ZBTB45: variants seen among roughly 807,000 people sequenced by gnomAD.
ZBTB45 encodes zinc finger and BTB domain-containing protein 45.
A neutral mutation model predicts 28.4 loss-of-function variants in ZBTB45; 22 were observed. The observed-to-expected ratio is 0.77, with a 90% CI of 0.55 to 1.10. ZBTB45 has a LOEUF of 1.10. Ranked by LOEUF, ZBTB45 falls within the 50% of genes least tolerant of loss-of-function variation. The pLI is 0.00. For missense variants in ZBTB45, 656 were observed against 750.2 expected (o/e 0.87, Z 1.47); for synonymous variants, 361 against 332.3 (o/e 1.09, Z -0.94).
chr19:58,534,758 A>C (rs1289558581), intron 1 of ZBTB45, among the ~76,000 whole-genome samples: 1 of 151,908 alleles, frequency 6.6e-6, no homozygotes. Context: ...GGGTTTCACC[A>C]TGTTAGCCAG....
At position 58,514,197 on chromosome 19, in the gene ZBTB45, C is replaced by T. The variant is rs769306427; in HGVS notation, c.1393G>A (p.Ala465Thr). 2.5e-6 allele frequency: 4 copies of T among 1,612,556 alleles called. No homozygotes were observed. The highest frequency in any genetic ancestry group is 1.7e-4 in the Middle Eastern group (1 of 5,876). ...GVRAFQCAVC[A>T]KRFTQKSSLN... is the part of the protein sequence containing the mutation. ...GAGCTCTTCTGCGTGAAGCGCTTGGCGCAGACGGCGCACTGGAAGGCGCGC... is the reference window on the plus strand; with the variant it reads ...GAGCTCTTCTGCGTGAAGCGCTTGGTGCAGACGGCGCACTGGAAGGCGCGC... The change falls in exon 3 of 3, where the codon GCC becomes ACC. Residue 465 changes from alanine to threonine, a missense_variant. By Grantham distance (58) the Ala-to-Thr change is moderately conservative. This residue lies in a region of ZBTB45 where 103 missense variants were observed against 153.5 expected (regional missense o/e 0.67). Coordinates refer to ENST00000594051, the MANE Select transcript of ZBTB45 (RefSeq NM_001316979.2).
chr19:58,519,609 C>G (rs1197839319), intron 1 of ZBTB45, 133 bp downstream of exon 1: 1 of 153,036 alleles, frequency 6.5e-6, no homozygotes, highest in Admixed American at 6.5e-5. Flanking sequence ...CTCTGGCCCC[C>G]GCCGTACCCC....
upstream of ZBTB45, among the ~76,000 whole-genome samples, chr19:58,520,384 G>A (rs1296392175): frequency 6.6e-6 from 1 of 152,094 alleles, no homozygotes. Context: ...GTGAGATTCT[G>A]GGACATTGCA....
chr19:58,525,513 G>A (rs1489601092), intron 1 of ZBTB45, among the ~76,000 whole-genome samples: 1 of 152,164 alleles, frequency 6.6e-6, no homozygotes, highest in Non-Finnish European at 1.5e-5. Context: ...AGGGGCAATG[G>A]CAGGATCCCC....
rs193145146 is a variant in ZBTB45 at position 58,516,396 on chromosome 19, C to T, written c.1278G>A (p.Ser426=). Residue 426 remains serine, a splice_region_variant and synonymous_variant, in exon 2 of 3, where the codon TCG becomes TCA. Transcript: ENST00000594051. This position sits in a 1 kb window ranked among gnomAD's most constrained non-coding sequence, Gnocchi z 6.2. ...CTCTCCTCCCCCGCCCTGGCTCACC[C>T]GAGTGGATGAACATGTGCTTGGTGT... ...KNYTKHMFIH[S]GEKPHQCAVC... is the part of the protein sequence containing the mutation. The T allele has an allele frequency of 2.6e-5, 42 of 1,613,834 alleles. No individual in the cohort carries two copies. Among genetic ancestry groups the T allele is most frequent in the African/African-American group, 1.9e-4 (14 of 74,926 alleles).
chr19:58,534,204 G>A (rs1054503197), intron 1 of ZBTB45, among the ~76,000 whole-genome samples: 1 of 152,022 alleles, frequency 6.6e-6, no homozygotes, highest in Non-Finnish European at 1.5e-5. Context: ...GTGATTGTCA[G>A]GGGCTGGTTG....
At chr19:58,525,344 A>G (rs1463662426) in intron 1 of ZBTB45, among the ~76,000 whole-genome samples, 1 of 152,246 alleles carries the variant, frequency 6.6e-6, no homozygotes, top group Non-Finnish European at 1.5e-5. Context: ...GAGTACACAC[A>G]GGAGCAGGCA....
rs1387770024 is a variant in ZBTB45 at position 58,517,204 on chromosome 19, A to T, written c.470T>A (p.Leu157Gln). Residue 157 changes from leucine to glutamine, a missense_variant, in exon 2 of 3, where the codon CTG becomes CAG. By Grantham distance (113) the Leu-to-Gln change is moderately radical. This residue lies in a region of ZBTB45 where 448 missense variants were observed against 444.3 expected (regional missense o/e 1.01). Coordinates refer to ENST00000594051, the MANE Select transcript of ZBTB45 (RefSeq NM_001316979.2). Reference sequence around the variant, plus strand: ...GGGGTGCCCCGGGGGACGTGCAGCCAGCAGGTGGCGCAGGCGGTGACGCAG... The same window carrying T: ...GGGGTGCCCCGGGGGACGTGCAGCCTGCAGGTGGCGCAGGCGGTGACGCAG... ...AQLRHRLRHLLAARPPGHPGA... is the reference protein window; with the variant it reads ...AQLRHRLRHLQAARPPGHPGA... The T allele has an allele frequency of 6.2e-7, 1 of 1,603,952 alleles. No individual in the cohort carries two copies. Among genetic ancestry groups the T allele is most frequent in the African/African-American group, 1.3e-5 (1 of 74,590 alleles).
chr19:58,524,394 T>A (rs796656863), upstream of ZBTB45, among the ~76,000 whole-genome samples: 2 of 47,586 alleles, frequency 4.2e-5, no homozygotes, highest in African/African-American at 7.1e-5. Context: ...ATAAAAAGAA[T>A]GTGTATATAT....
intron 1 of ZBTB45, among the ~76,000 whole-genome samples, chr19:58,526,373 T>C (rs1054878775): frequency 1.1e-4 from 17 of 147,992 alleles, no homozygotes; most frequent in African/African-American, 4.3e-4. Context: ...CCATGTCCAG[T>C]TAATTTTTGT....
rs2053508082 is a variant in ZBTB45, at chr19:58,516,890, G to C, written c.784C>G (p.Leu262Val). Residue 262 changes from leucine (L) to valine (V), a missense_variant, in exon 2 of 3, where the codon CTC becomes GTC. Leu to Val is a conservative substitution (Grantham distance 32). Around this residue, in one of 3 missense-constraint regions of ZBTB45, gnomAD observed 448 missense variants for 444.3 expected, o/e 1.01. Transcript: ENST00000594051. This position sits in a 1 kb window ranked among gnomAD's most constrained non-coding sequence, Gnocchi z 6.2. ...ACEEPPAPTG[L>V]ADYSGAGRDF... Reference sequence around the variant, plus strand: ...CTCCCGGCACCACTGTAGTCAGCGAGGCCAGTGGGTGCAGGGGGCTCCTCG... The same window carrying C: ...CTCCCGGCACCACTGTAGTCAGCGACGCCAGTGGGTGCAGGGGGCTCCTCG... 1 of 1,613,258 alleles carries C rather than the reference G, an allele frequency of 6.2e-7. No homozygotes were observed. The highest frequency in any genetic ancestry group is 1.3e-5 in the African/African-American group (1 of 74,916).
chr19:58,535,518 C>T (rs1054230101), intron 1 of ZBTB45, among the ~76,000 whole-genome samples: 3 of 151,764 alleles, frequency 2.0e-5, no homozygotes, highest in Admixed American at 2.0e-4. Context: ...GCCTGTAATC[C>T]CAGCTACTCA....
At chr19:58,536,824 C>T (rs2053662907) in intron 1 of ZBTB45, among the ~76,000 whole-genome samples, 1 of 152,064 alleles carries the variant, frequency 6.6e-6, no homozygotes, top group East Asian at 1.9e-4. Flanking sequence ...AGTAGGCAGT[C>T]CTCAGGTGGC....
upstream of ZBTB45, among the ~76,000 whole-genome samples, chr19:58,524,063 C>CAAAAAA (rs529087016): frequency 2.7e-5 from 2 of 73,202 alleles, no homozygotes; most frequent in Non-Finnish European, 4.7e-5. Context: ...GACTCTGTCT[C>CAAAAAA]AAAAAAAAAA....
At chr19:58,527,040 A>G (rs1408157970) in intron 1 of ZBTB45, among the ~76,000 whole-genome samples, 1 of 151,992 alleles carries the variant, frequency 6.6e-6, no homozygotes, top group African/African-American at 2.4e-5. Context: ...GAAAGCCCCA[A>G]CCCCCTATTG....
At chr19:58,518,724 G>A (rs926467952) in intron 1 of ZBTB45, among the ~76,000 whole-genome samples, 3 of 152,040 alleles carry the variant, frequency 2.0e-5, no homozygotes, top group African/African-American at 7.3e-5. Context: ...TCAAACAAGG[G>A]ATGAGATACT....
Position 58,516,628 on chromosome 19 carries a change from G to C in ZBTB45, c.1046C>G (p.Pro349Arg), listed in dbSNP as rs746984352. 5.1e-6 allele frequency: 8 copies of C among 1,559,508 alleles called. No individual in the cohort carries two copies. In the East Asian group the frequency reaches 1.6e-4, roughly 31 times the overall value. Residue 349 changes from proline (P) to arginine (R), a missense_variant, in exon 2 of 3, where the codon CCA (proline) becomes CGA (arginine). Physicochemically the swap from Pro to Arg is moderately radical, Grantham distance 103. This residue lies in a region of ZBTB45 where 448 missense variants were observed against 444.3 expected (regional missense o/e 1.01). Coordinates refer to ENST00000594051, the MANE Select transcript of ZBTB45 (RefSeq NM_001316979.2). This position sits in a 1 kb window ranked among gnomAD's most constrained non-coding sequence, Gnocchi z 6.2. ...TGGGGGCGCAGGGGCTGGCCCCGAT[G>C]GTGCTGAAGGGGGTGGTGCGGGTGG... ...PGPPAPPPSAPSGPAPAPPPA... is the reference protein window; with the variant it reads ...PGPPAPPPSARSGPAPAPPPA...
chr19:58,521,879 A>G (rs1261949019), upstream of ZBTB45, among the ~76,000 whole-genome samples: 2 of 152,150 alleles, frequency 1.3e-5, no homozygotes, highest in Non-Finnish European at 2.9e-5. Context: ...CCAACTGTCC[A>G]AACGCATGAC....
In ZBTB45 at chr19:58,516,783, A is replaced by G. The variant is rs149380530; in HGVS notation, c.891T>C (p.Ala297=). ...YVSTWHDEDG[A]VPEGCPTETP... Reference sequence around the variant, plus strand: ...TCTCAGTGGGACAGCCTTCGGGGACAGCGCCATCCTCGTCGTGCCAAGTGG... The same window carrying G: ...TCTCAGTGGGACAGCCTTCGGGGACGGCGCCATCCTCGTCGTGCCAAGTGG... Residue 297 remains alanine (A), a synonymous_variant, in exon 2 of 3, where the codon GCT becomes GCC. Coordinates refer to ENST00000594051, the MANE Select transcript of ZBTB45 (RefSeq NM_001316979.2). This position sits in a 1 kb window ranked among gnomAD's most constrained non-coding sequence, Gnocchi z 6.2. 2.3e-3 allele frequency: 3,701 copies of G among 1,613,812 alleles called. 8 individuals are homozygous for G. The highest frequency in any genetic ancestry group is 2.8e-3 in the Non-Finnish European group (3,349 of 1,179,984).
Sources: gnomAD v4.1 joint callset for allele counts (sites outside exome capture counted in the v4.1 genomes callset) on GRCh38, gnomAD v4.1.1 for gene constraint, gnomAD v4.1.1 regional missense constraint, Gnocchi (gnomAD v3.1) non-coding constraint, MANE v1.5 for transcripts, NCBI Gene and HGNC (gene_info 2026-07-23, HGNC 2026-07-21) for gene names.